LRBA: variants seen among roughly 807,000 people sequenced by gnomAD.
The protein encoded by LRBA is LPS responsive beige-like anchor protein.
LRBA carries 176 observed loss-of-function variants against 330.0 expected under a neutral mutation model. The ratio of observed to expected loss-of-function variants is 0.53; its 90% CI spans 0.47 to 0.60. The LOEUF (loss-of-function observed/expected upper bound fraction) is 0.60, where lower values mean the gene tolerates loss of function less well. Among genes scored for constraint, LRBA ranks in the 20% least tolerant of loss-of-function variants. LRBA has a pLI of 0.00. For missense variants in LRBA, 3,259 were observed against 3,444.8 expected, an observed-to-expected ratio of 0.95 and a Z score of 1.35; for synonymous variants, 1,230 against 1,193.0, an observed-to-expected ratio of 1.03 and a Z score of -0.64.
At chr4:150,682,994 C>G (rs1437359464) in intron 37 of LRBA, among the ~76,000 whole-genome samples, 1 of 151,986 alleles carries the variant, frequency 6.6e-6, no homozygotes, top group Non-Finnish European at 1.5e-5. Flanking sequence ...GTTTGGCTAT[C>G]TTAAAAGAAG....
At chr4:150,551,546 GA>G (rs66516850) in intron 40 of LRBA, among the ~76,000 whole-genome samples, 9,488 of 151,986 alleles carry the variant, frequency 0.062, 478 homozygotes, top group East Asian at 0.18. Flanking sequence ...AGGAGTGGTG[GA>G]ACATGCCTGT....
chr4:150,653,596 G>A (rs921956831), intron 37 of LRBA, among the ~76,000 whole-genome samples: 12 of 152,116 alleles, frequency 7.9e-5, no homozygotes, highest in Admixed American at 2.6e-4. Context: ...GAGAGGGCCC[G>A]CTGCTACCAG....
intron 13 of LRBA, 22 bp from the exon 14 acceptor site, chr4:150,900,239 C>T (rs1461026666): frequency 6.4e-7 from 1 of 1,572,928 alleles, no homozygotes; most frequent in Admixed American, 1.7e-5. Context: ...AAATGAAGAA[C>T]TTAGAGAACC....
At chr4:150,675,742 A>G (rs565974285) in intron 37 of LRBA, among the ~76,000 whole-genome samples, 18 of 151,736 alleles carry the variant, frequency 1.2e-4, no homozygotes, top group Admixed American at 9.2e-4. Flanking sequence ...TTAATTAAAT[A>G]ATTAATTAAA....
At chr4:150,477,039 A>C (rs1439516281) in intron 42 of LRBA, among the ~76,000 whole-genome samples, 1 of 152,162 alleles carries the variant, frequency 6.6e-6, no homozygotes, top group African/African-American at 2.4e-5. Flanking sequence ...CTCACAACTA[A>C]ACCAAAAGGA....
chr4:150,822,282 C>T (rs558605455), intron 30 of LRBA, among the ~76,000 whole-genome samples: 21 of 152,200 alleles, frequency 1.4e-4, no homozygotes, highest in Admixed American at 1.3e-4. Flanking sequence ...TCATGATCTA[C>T]TCACTGAAGA....
At chr4:150,642,209 C>A (rs1423559576) in intron 37 of LRBA, among the ~76,000 whole-genome samples, 1 of 151,820 alleles carries the variant, frequency 6.6e-6, no homozygotes, top group Non-Finnish European at 1.5e-5. Context: ...TATGTAAATT[C>A]TGCATGTATT....
intron 36 of LRBA, among the ~76,000 whole-genome samples, chr4:150,706,333 T>C (rs1439925117): frequency 3.3e-5 from 5 of 151,810 alleles, no homozygotes; most frequent in Non-Finnish European, 7.4e-5. Context: ...GCATTTAGTA[T>C]ATAACAGTAG....
At chr4:150,977,894 A>G (rs1740379144) in intron 2 of LRBA, among the ~76,000 whole-genome samples, 1 of 152,248 alleles carries the variant, frequency 6.6e-6, no homozygotes, top group Non-Finnish European at 1.5e-5. Flanking sequence ...CAGATTTCTA[A>G]GAGTTTTTAT....
chr4:150,280,504 C>G (rs1199669287), intron 55 of LRBA, among the ~76,000 whole-genome samples: 2 of 152,206 alleles, frequency 1.3e-5, no homozygotes, highest in Non-Finnish European at 2.9e-5. Flanking sequence ...CCTTAAATAT[C>G]AGCTATTCAT....
intron 2 of LRBA, among the ~76,000 whole-genome samples, chr4:150,967,375 C>T (rs1307333585): frequency 6.6e-6 from 1 of 152,202 alleles, no homozygotes; most frequent in African/African-American, 2.4e-5. Context: ...TTATTATATC[C>T]AGAAGGAGTT....
chr4:150,925,399 A>G (rs1195125586), intron 4 of LRBA, among the ~76,000 whole-genome samples: 3 of 152,194 alleles, frequency 2.0e-5, no homozygotes, highest in Non-Finnish European at 2.9e-5. Context: ...TTATGGATCT[A>G]TGTGAGAATT....
chr4:150,807,800 C>A (rs1743027127), intron 32 of LRBA, among the ~76,000 whole-genome samples: 1 of 152,040 alleles, frequency 6.6e-6, no homozygotes, highest in South Asian at 2.1e-4. Flanking sequence ...TGTGCACCAC[C>A]ACACCTAGCT....
intron 11 of LRBA, among the ~76,000 whole-genome samples, chr4:150,907,779 T>A (rs1731516255): frequency 6.6e-6 from 1 of 152,146 alleles, no homozygotes; most frequent in Non-Finnish European, 1.5e-5. Flanking sequence ...ACCCTATAAC[T>A]TATATCCCTT....
At chr4:150,491,330 T>A (rs1758911646) in intron 40 of LRBA, among the ~76,000 whole-genome samples, 1 of 152,074 alleles carries the variant, frequency 6.6e-6, no homozygotes, top group Non-Finnish European at 1.5e-5. Context: ...ATTTACTGAT[T>A]GATTTTTAAA....
At chr4:150,546,706 T>C (rs1765898508) in intron 40 of LRBA, among the ~76,000 whole-genome samples, 1 of 152,172 alleles carries the variant, frequency 6.6e-6, no homozygotes, top group Non-Finnish European at 1.5e-5. Flanking sequence ...AGAGACACTT[T>C]AGGAATAATA....
chr4:150,867,910 T>C, intron 21 of LRBA, 47 bp from the exon 22 acceptor site: 1 of 1,452,456 alleles, frequency 6.9e-7, no homozygotes, highest in Non-Finnish European at 9.4e-7. Context: ...AAAAAAATTA[T>C]CTAAAATAAA....
chr4:150,744,802 T>G (rs563110016), intron 35 of LRBA, among the ~76,000 whole-genome samples: 1 of 152,214 alleles, frequency 6.6e-6, no homozygotes, highest in African/African-American at 2.4e-5. Flanking sequence ...GAGTTCAACC[T>G]GGGCAGAATC....
At chr4:150,542,453 C>G (rs1168088884) in intron 40 of LRBA, among the ~76,000 whole-genome samples, 1 of 152,132 alleles carries the variant, frequency 6.6e-6, no homozygotes, top group Non-Finnish European at 1.5e-5. Flanking sequence ...ATTTGTGATA[C>G]ATGTATTAAG....
Sources: gnomAD v4.1 joint callset for allele counts (sites outside exome capture counted in the v4.1 genomes callset) on GRCh38, gnomAD v4.1.1 for gene constraint, MANE v1.5 for transcripts, NCBI Gene and HGNC (gene_info 2026-07-23, HGNC 2026-07-21) for gene names.